Variants in STK24 observed in about 807,000 individuals in gnomAD.
STK24 encodes serine/threonine kinase 24, also known as serine/threonine-protein kinase 24.
In STK24, 21 loss-of-function variants were observed where a neutral mutation model predicts 55.6. The ratio of observed to expected loss-of-function variants is 0.38; its 90% CI spans 0.27 to 0.54. The LOEUF (loss-of-function observed/expected upper bound fraction) is 0.54, where lower values mean the gene tolerates loss of function less well. Ranked by LOEUF, STK24 falls within the 20% of genes least tolerant of loss-of-function variation. The probability of loss-of-function intolerance (pLI) is 0.79; values close to 1 mark genes in which losing one functional copy is unlikely to be tolerated. For missense variants in STK24, 383 were observed against 538.4 expected, an observed-to-expected ratio of 0.71 and a Z score of 2.86; for synonymous variants, 200 against 215.2, an observed-to-expected ratio of 0.93 and a Z score of 0.62.
chr13:98,540,781 A>AAAAAAAC (rs1896865332), intron 1 of STK24, among the ~76,000 whole-genome samples: 1 of 151,438 alleles, frequency 6.6e-6, no homozygotes, highest in African/African-American at 2.4e-5. Context: ...AAAAAAAAAA[A>AAAAAAAC]AAGCCATTGC....
rs1324601127 is a variant in STK24 at position 98,463,845 on chromosome 13, A to C, written c.784-9T>G. On this transcript the variant is annotated splice_polypyrimidine_tract_variant and intron_variant, in intron 6 of 10. Coordinates refer to ENST00000539966, the MANE Select transcript of STK24 (RefSeq NM_001032296.4). ...TCCTTAGCAGTGGGTCTCTGGAAAA[A>C]CACACCCAACAATTAAAGTATGAGA... 1 of 1,610,166 alleles carries C rather than the reference A, an allele frequency of 6.2e-7. No individual in the cohort carries two copies. Among genetic ancestry groups the C allele is most frequent in the East Asian group, 2.2e-5 (1 of 44,798 alleles).
chr13:98,575,057 A>T (rs2139475168), intron 1 of STK24, among the ~76,000 whole-genome samples: 1 of 152,336 alleles, frequency 6.6e-6, no homozygotes, highest in South Asian at 2.1e-4. Flanking sequence ...CCTAAAGGAA[A>T]TATTGATAAA....
chr13:98,517,232 T>A (rs3901153), intron 2 of STK24, among the ~76,000 whole-genome samples: 38,825 of 152,180 alleles, frequency 0.26, 5,152 homozygotes, highest in Non-Finnish European at 0.3. Flanking sequence ...ACTCTGAATT[T>A]ACTAGAACAC....
rs1282764405 is a variant in STK24 at position 98,475,262 on chromosome 13, T to C, written c.427A>G (p.Arg143Gly). ...GATGTCCTCTTACCTTTAATGTCTCTGTGGATTTTCTTCTCCGAATGGAGA... is the reference window on the plus strand; with the variant it reads ...GATGTCCTCTTACCTTTAATGTCTCCGTGGATTTTCTTCTCCGAATGGAGA... ...DYLHSEKKIH[R>G]DIKAANVLLS... Residue 143 changes from arginine (R) to glycine (G), a missense_variant, in exon 4 of 11, where the codon AGA (arginine) becomes GGA (glycine). Coordinates refer to ENST00000539966, the MANE Select transcript of STK24 (RefSeq NM_001032296.4). 6.2e-7 allele frequency: 1 copy of C among 1,610,186 alleles called. No homozygotes were observed. Among genetic ancestry groups the C allele is most frequent in the Non-Finnish European group, 8.5e-7 (1 of 1,177,570 alleles).
In STK24 at chr13:98,446,898, G is replaced by A. The variant is rs527835904; in HGVS notation, c.*6275C>T. The A allele has an allele frequency of 1.2e-4, 175 of 1,461,356 alleles. 1 individual carries two copies. The highest frequency in any genetic ancestry group is 5.3e-4 in the South Asian group (44 of 83,216). The allele number at this position is 1,461,356 out of a possible 1,614,324, so 90.5% of individuals were successfully genotyped here. A position where few individuals can be genotyped will look rare whatever the true frequency, so the allele number is the denominator to read the frequency against. ...ACATCAGGATTTCTCCCAAGTCAGCGAGTGAGATGGCCCCACCCTTCCCTG... is the reference window on the plus strand; with the variant it reads ...ACATCAGGATTTCTCCCAAGTCAGCAAGTGAGATGGCCCCACCCTTCCCTG... On this transcript the variant is annotated 3_prime_UTR_variant, in exon 11 of 11. Transcript: ENST00000539966.
chr13:98,497,077 GC>G (rs908804282), intron 2 of STK24, among the ~76,000 whole-genome samples: 1 of 152,162 alleles, frequency 6.6e-6, no homozygotes, highest in Non-Finnish European at 1.5e-5. Context: ...GTGCCCAGCA[GC>G]CCCAGGGACA....
At chr13:98,489,300 G>C (rs971047026) in intron 2 of STK24, among the ~76,000 whole-genome samples, 4 of 152,172 alleles carry the variant, frequency 2.6e-5, no homozygotes, top group African/African-American at 9.7e-5. Flanking sequence ...GCAGGCTTGC[G>C]AACCCGGAAG....
In STK24 at chr13:98,448,485, G is replaced by A. The variant is rs1411385407; in HGVS notation, c.*4688C>T. 4 of 610,450 alleles carry A rather than the reference G, an allele frequency of 6.6e-6. No individual in the cohort carries two copies. Among genetic ancestry groups the A allele is most frequent in the East Asian group, 2.8e-5 (1 of 35,530 alleles). The allele number at this position is 610,450 out of a possible 1,614,324, so 37.8% of individuals were successfully genotyped here. A position where few individuals can be genotyped will look rare whatever the true frequency, so the allele number is the denominator to read the frequency against. On this transcript the variant is annotated 3_prime_UTR_variant, in exon 11 of 11. Coordinates refer to ENST00000539966, the MANE Select transcript of STK24 (RefSeq NM_001032296.4). ...CGTTTTTTAACCCCGACCTCTCAGC[G>A]TCTGAATGAACAGCGCTCCCACCTC...
At chr13:98,473,292 A>AGGAGGGAGGAAAGGAGGGAGG (rs372511281) in intron 5 of STK24, among the ~76,000 whole-genome samples, 14 of 5,552 alleles carry the variant, frequency 2.5e-3, no homozygotes, top group Admixed American at 3.6e-3. Flanking sequence ...AAGGAGGGAG[A>AGGAGGGAGGAAAGGAGGGAGG]GAGGGAAATC....
chr13:98,453,558 G>A (rs1893302875), intron 10 of STK24: 1 of 206,498 alleles, frequency 4.8e-6, no homozygotes, highest in Admixed American at 5.7e-5. Context: ...TTCCAGGGAT[G>A]CATATGCATT....
chr13:98,510,380 C>T (rs57792282), intron 2 of STK24, among the ~76,000 whole-genome samples: 9,708 of 152,240 alleles, frequency 0.064, 980 homozygotes, highest in African/African-American at 0.21. Flanking sequence ...GAACCCAATT[C>T]AGATGGGGGC....
chr13:98,555,777 T>C (rs1433635172), intron 1 of STK24, among the ~76,000 whole-genome samples: 2 of 142,948 alleles, frequency 1.4e-5, no homozygotes, highest in Non-Finnish European at 3.0e-5. Flanking sequence ...GCCTCCTGGG[T>C]TCACGCCATT....
Position 98,448,623 on chromosome 13 carries a change from T to C in STK24, c.*4550A>G, listed in dbSNP as rs1319170811. The C allele has an allele frequency of 2.9e-6, 1 of 339,578 alleles. No homozygotes were observed. The highest frequency in any genetic ancestry group is 4.6e-5 in the Admixed American group (1 of 21,714). 21.0% of individuals were successfully genotyped at this position (339,578 alleles called of 1,614,324 possible). A position where few individuals can be genotyped will look rare whatever the true frequency, so the allele number is the denominator to read the frequency against. ...CCTCCACCCTGCCCCTGAAAAACAG[T>C]ACACACACATCCGTTCAACACAAGA... On this transcript the variant is annotated 3_prime_UTR_variant, in exon 11 of 11. Transcript: ENST00000539966.
chr13:98,569,460 G>A (rs1240393647), intron 1 of STK24, among the ~76,000 whole-genome samples: 3 of 150,930 alleles, frequency 2.0e-5, no homozygotes, highest in Non-Finnish European at 4.4e-5. Flanking sequence ...CAACACAAGA[G>A]AGCAGCAGAA....
chr13:98,456,411 G>A (rs893643192), intron 10 of STK24: 51 of 465,906 alleles, frequency 1.1e-4, no homozygotes, highest in African/African-American at 8.6e-4. Flanking sequence ...GCAGCAGCAC[G>A]CCTGGTCCTC....
chr13:98,561,509 G>A (rs1566406012), intron 1 of STK24, among the ~76,000 whole-genome samples: 1 of 152,082 alleles, frequency 6.6e-6, no homozygotes, highest in African/African-American at 2.4e-5. Flanking sequence ...TTGAAGCCGG[G>A]AGGCAGAGGT....
At chr13:98,571,337 T>C (rs1298037636) in intron 1 of STK24, among the ~76,000 whole-genome samples, 2 of 152,208 alleles carry the variant, frequency 1.3e-5, no homozygotes, top group Admixed American at 6.5e-5. Context: ...AAGAAGAGCA[T>C]CAAAGTCAGA....
chr13:98,476,071 AT>A (rs2139289811), intron 3 of STK24, among the ~76,000 whole-genome samples: 1 of 152,164 alleles, frequency 6.6e-6, no homozygotes, highest in South Asian at 2.1e-4. Flanking sequence ...TAAGATAATA[AT>A]TACCTCTGAA....
chr13:98,463,567 C>T (rs977460499), intron 7 of STK24, 124 bp downstream of exon 7: 4 of 1,195,682 alleles, frequency 3.3e-6, no homozygotes, highest in African/African-American at 3.2e-5. Flanking sequence ...CAACAATTGC[C>T]ACCAACCTGG....
Sources: gnomAD v4.1 joint callset for allele counts (sites outside exome capture counted in the v4.1 genomes callset) on GRCh38, gnomAD v4.1.1 for gene constraint, MANE v1.5 for transcripts, NCBI Gene and HGNC (gene_info 2026-07-23, HGNC 2026-07-21) for gene names.